Variants in MITF observed in about 807,000 individuals in gnomAD.
MITF encodes melanocyte inducing transcription factor, also known as microphthalmia-associated transcription factor.
In MITF, 17 loss-of-function variants were observed where a neutral mutation model predicts 60.5. That is an observed-to-expected ratio of 0.28 (90% CI 0.19 to 0.42). The LOEUF is 0.42. Ranked by LOEUF, MITF falls within the 10% of genes least tolerant of loss-of-function variation. The pLI is 1.00. For missense variants in MITF, 622 were observed against 683.5 expected (o/e 0.91, Z 1.00); for synonymous variants, 260 against 248.5 (o/e 1.05, Z -0.43).
At chr3:69,821,277 A>G (rs1391780467) in intron 1 of MITF, among the ~76,000 whole-genome samples, 2 of 152,190 alleles carry the variant, frequency 1.3e-5, no homozygotes, top group Non-Finnish European at 2.9e-5. Flanking sequence ...GGGAGCATAC[A>G]CATTAAATGG....
chr3:69,871,523 A>G (rs966458191), intron 1 of MITF, among the ~76,000 whole-genome samples: 1 of 152,228 alleles, frequency 6.6e-6, no homozygotes, highest in African/African-American at 2.4e-5. Flanking sequence ...ACCATAAATC[A>G]TTACTGCTAT....
chr3:69,936,644 T>C, intron 2 of MITF: 2 of 1,600,346 alleles, frequency 1.2e-6, no homozygotes, highest in Non-Finnish European at 1.7e-6. Context: ...CCAGTCCATC[T>C]TCAAATTGGA....
At chr3:69,769,097 T>C (rs919171055) in intron 1 of MITF, among the ~76,000 whole-genome samples, 2 of 152,228 alleles carry the variant, frequency 1.3e-5, no homozygotes, top group Non-Finnish European at 2.9e-5. Context: ...TGGGTAAGCA[T>C]GTAAGTCCTT....
intron 1 of MITF, among the ~76,000 whole-genome samples, chr3:69,799,639 TCA>T (rs36008195): frequency 0.5 from 75,980 of 151,802 alleles, 20,636 homozygotes; most frequent in Non-Finnish European, 0.63. Context: ...ACAGTTTCTT[TCA>T]CACTGTCTTA....
At chr3:69,849,034 G>A (rs1462732869) in intron 1 of MITF, among the ~76,000 whole-genome samples, 1 of 141,212 alleles carries the variant, frequency 7.1e-6, no homozygotes, top group African/African-American at 2.7e-5. Context: ...GCGGGATCTC[G>A]GCTCACTGCA....
At chr3:69,924,816 A>G (rs2065549337) in intron 2 of MITF, among the ~76,000 whole-genome samples, 1 of 152,216 alleles carries the variant, frequency 6.6e-6, no homozygotes, top group Non-Finnish European at 1.5e-5. Context: ...GAGAGGAAAG[A>G]TGTCACGAAA....
At position 69,896,598 on chromosome 3, in the gene MITF, A is replaced by T. The variant is rs371420643; in HGVS notation, c.354+17215A>T. Among the ~76,000 whole-genome samples, 98 of 152,300 alleles carry T rather than the reference A, an allele frequency of 6.4e-4. 2 individuals carry two copies. The South Asian group carries it at 0.016, about 24-fold the overall frequency. On this transcript the variant is annotated intron_variant, in intron 2 of 9. Coordinates refer to ENST00000352241, the MANE Select transcript of MITF (RefSeq NM_001354604.2). Reference sequence around the variant, plus strand: ...ATTCGTGCTCCGGTTATAAAGGTGCATAGGTTTTGAGGGATCTGCCCCCAA... The same window carrying T: ...ATTCGTGCTCCGGTTATAAAGGTGCTTAGGTTTTGAGGGATCTGCCCCCAA...
At chr3:69,789,607 G>A (rs989390153) in intron 1 of MITF, among the ~76,000 whole-genome samples, 1 of 152,110 alleles carries the variant, frequency 6.6e-6, no homozygotes, top group African/African-American at 2.4e-5. Context: ...AGTAATCCCA[G>A]CACTTTGGGA....
intron 1 of MITF, among the ~76,000 whole-genome samples, chr3:69,868,206 A>G (rs1038421081): frequency 6.6e-6 from 1 of 152,224 alleles, no homozygotes; most frequent in Admixed American, 6.5e-5. Context: ...TATGCTAAGT[A>G]TTGTGCTTGT....
chr3:69,958,352 TTGG>T (rs998764059), intron 8 of MITF, among the ~76,000 whole-genome samples: 11 of 152,312 alleles, frequency 7.2e-5, no homozygotes, highest in African/African-American at 2.6e-4. Context: ...GTTGCCATCT[TTGG>T]TGTTCAGACC....
intron 1 of MITF, among the ~76,000 whole-genome samples, chr3:69,837,838 G>A (rs1308000263): frequency 1.3e-5 from 2 of 152,156 alleles, no homozygotes; most frequent in African/African-American, 4.8e-5. Context: ...GTACTATACT[G>A]TATATGATCT....
chr3:69,905,787 T>C (rs2065086302), intron 2 of MITF, among the ~76,000 whole-genome samples: 1 of 152,152 alleles, frequency 6.6e-6, no homozygotes, highest in African/African-American at 2.4e-5. Flanking sequence ...ATTTGCCATC[T>C]CCGTATTTTC....
chr3:69,801,521 G>T (rs766893557), intron 1 of MITF, among the ~76,000 whole-genome samples: 1 of 152,132 alleles, frequency 6.6e-6, no homozygotes. Context: ...AATATAGACC[G>T]CATTGATGCC....
intron 1 of MITF, among the ~76,000 whole-genome samples, chr3:69,762,333 G>A (rs1262125363): frequency 1.3e-5 from 2 of 152,014 alleles, no homozygotes; most frequent in Non-Finnish European, 2.9e-5. Context: ...TAATGAGAGA[G>A]GAGAAAGAAA....
chr3:69,762,844 A>T (rs536810801), intron 1 of MITF: 111 of 224,118 alleles, frequency 5.0e-4, no homozygotes, highest in African/African-American at 2.4e-3. Context: ...GTCTTCTGGG[A>T]ATAGTGTCTA....
intron 1 of MITF, among the ~76,000 whole-genome samples, chr3:69,847,852 A>G (rs886287062): frequency 2.0e-5 from 3 of 152,202 alleles, no homozygotes; most frequent in Non-Finnish European, 2.9e-5. Flanking sequence ...CATAACAGGA[A>G]TTCTTATTTT....
chr3:69,885,086 A>G (rs571073019), intron 2 of MITF, among the ~76,000 whole-genome samples: 4 of 152,202 alleles, frequency 2.6e-5, no homozygotes, highest in South Asian at 2.1e-4. Context: ...GTACAGCACA[A>G]TCTGGGTTTG....
In MITF at chr3:69,892,312, T is replaced by A. The variant is rs1289851268; in HGVS notation, c.354+12929T>A. Among the ~76,000 whole-genome samples the A allele has an allele frequency of 3.3e-5, 5 of 152,230 alleles. No individual in the cohort carries two copies. The South Asian group carries it at 1.0e-3, about 31-fold the overall frequency. ...TAGACTTTATTTTTTAGAGCAGCTT[T>A]AGGTTCACAGCTAAATTGACCGGAA... On this transcript the variant is annotated intron_variant, in intron 2 of 9. Coordinates refer to ENST00000352241, the MANE Select transcript of MITF (RefSeq NM_001354604.2).
intron 2 of MITF, among the ~76,000 whole-genome samples, chr3:69,930,484 C>G (rs1334113950): frequency 1.3e-5 from 2 of 152,212 alleles, no homozygotes; most frequent in African/African-American, 4.8e-5. Context: ...GAATGCCGTT[C>G]CTGCCAATCT....
Sources: gnomAD v4.1 joint callset for allele counts (sites outside exome capture counted in the v4.1 genomes callset) on GRCh38, gnomAD v4.1.1 for gene constraint, MANE v1.5 for transcripts, NCBI Gene and HGNC (gene_info 2026-07-23, HGNC 2026-07-21) for gene names.